Variants in TTLL5 observed in about 807,000 individuals in gnomAD.
TTLL5 encodes tubulin tyrosine ligase like 5, also known as tubulin polyglutamylase TTLL5.
In TTLL5, 132 loss-of-function variants were observed where a neutral mutation model predicts 168.4. The observed-to-expected ratio is 0.78, with a 90% CI of 0.68 to 0.91. The LOEUF (loss-of-function observed/expected upper bound fraction) is 0.91. Among genes scored for constraint, TTLL5 ranks in the 40% least tolerant of loss-of-function variants. The probability of loss-of-function intolerance (pLI) is 0.00; values close to 1 mark genes in which losing one functional copy is unlikely to be tolerated. For synonymous variants in TTLL5, 546 were observed against 558.6 expected (o/e 0.98, Z 0.32); for missense variants, 1,545 against 1,581.5 (o/e 0.98, Z 0.39).
At position 75,854,051 on chromosome 14, in the gene TTLL5, AAG is replaced by A. The variant is rs547371126; in HGVS notation, c.3327-9608_3327-9607del. 2.0e-4 allele frequency among the ~76,000 whole-genome samples: 30 copies of A among 152,264 alleles called. No homozygotes were observed. In the South Asian group the frequency reaches 5.6e-3, roughly 28 times the overall value. ...GAGCAAGACTCCGTCTCAAAAAAAA[AAG>A]AGAGAGAAAATATATATATATTTTA... On this transcript the variant is annotated intron_variant, in intron 28 of 31. Transcript: ENST00000298832.
At chr14:75,878,401 A>G (rs2031617133) in intron 29 of TTLL5, among the ~76,000 whole-genome samples, 1 of 152,182 alleles carries the variant, frequency 6.6e-6, no homozygotes, top group African/African-American at 2.4e-5. Flanking sequence ...CCCTATGCCT[A>G]TCCACCTCTT....
At chr14:75,757,567 A>G (rs892734495) in intron 18 of TTLL5, among the ~76,000 whole-genome samples, 18 of 152,354 alleles carry the variant, frequency 1.2e-4, no homozygotes, top group Middle Eastern at 6.8e-3. Flanking sequence ...TAAATAGATA[A>G]GCAAGTACAA....
intron 17 of TTLL5, among the ~76,000 whole-genome samples, chr14:75,746,557 CTTTTT>C (rs71119389): frequency 8.7e-6 from 1 of 114,722 alleles, no homozygotes; most frequent in Non-Finnish European, 1.9e-5. Flanking sequence ...CTTTTCTTTT[CTTTTT>C]TTTTTTTTTT....
intron 29 of TTLL5, among the ~76,000 whole-genome samples, chr14:75,865,132 C>G (rs1457538033): frequency 6.6e-6 from 1 of 152,144 alleles, no homozygotes; most frequent in African/African-American, 2.4e-5. Context: ...TATAGCATCT[C>G]ATTGTAATCA....
intron 30 of TTLL5, among the ~76,000 whole-genome samples, chr14:75,901,426 C>G (rs907523877): frequency 1.3e-5 from 2 of 152,198 alleles, no homozygotes. Flanking sequence ...GGCTAGGGAA[C>G]CTCTGCCCAA....
chr14:75,803,388 A>G (rs1893443848), intron 27 of TTLL5: 1 of 152,232 alleles, frequency 6.6e-6, no homozygotes, highest in Non-Finnish European at 1.5e-5. Flanking sequence ...TGTAGTTACT[A>G]CTACTCCTGC....
chr14:75,860,672 T>G (rs926113656), intron 28 of TTLL5, among the ~76,000 whole-genome samples: 1 of 152,146 alleles, frequency 6.6e-6, no homozygotes, highest in African/African-American at 2.4e-5. Flanking sequence ...TTTCTTTCCT[T>G]TGTATTCATT....
At chr14:75,905,339 G>A (rs971982175) in intron 31 of TTLL5, among the ~76,000 whole-genome samples, 5 of 152,128 alleles carry the variant, frequency 3.3e-5, no homozygotes, top group African/African-American at 9.7e-5. Flanking sequence ...CCAGGCTTTC[G>A]GCTGTGTGAC....
intron 29 of TTLL5, among the ~76,000 whole-genome samples, chr14:75,873,771 A>G (rs999887374): frequency 2.0e-5 from 3 of 152,180 alleles, no homozygotes; most frequent in Admixed American, 6.5e-5. Flanking sequence ...TAATACATCA[A>G]TGAACACGGA....
Position 75,771,844 on chromosome 14 carries a change from A to G in TTLL5, c.2126A>G (p.Asp709Gly). The G allele has an allele frequency of 6.2e-7, 1 of 1,613,314 alleles. No individual in the cohort carries two copies. Among genetic ancestry groups the G allele is most frequent in the Non-Finnish European group, 8.5e-7 (1 of 1,179,690 alleles). ...TFSASWAAKE[D>G]EQMELVVRFL... is the part of the protein sequence containing the mutation. ...AGTGCCAGTTGGGCTGCCAAAGAGG[A>G]TGAACAGATGGTAAGGCTTTTCTTA... Residue 709 changes from aspartate to glycine, a missense_variant, in exon 21 of 32, where the codon GAT becomes GGT. Physicochemically the swap from Asp to Gly is moderately conservative, Grantham distance 94. Coordinates refer to ENST00000298832, the MANE Select transcript of TTLL5 (RefSeq NM_015072.5).
intron 15 of TTLL5, among the ~76,000 whole-genome samples, chr14:75,739,417 T>G (rs897728978): frequency 6.6e-6 from 1 of 152,132 alleles, no homozygotes; most frequent in African/African-American, 2.4e-5. Flanking sequence ...AAAAAAAAAT[T>G]TCTTTGTTCT....
intron 31 of TTLL5, among the ~76,000 whole-genome samples, chr14:75,953,334 T>G (rs1053852030): frequency 1.3e-5 from 2 of 152,180 alleles, no homozygotes; most frequent in Non-Finnish European, 2.9e-5. Context: ...GAAAATAAGA[T>G]GGCATTAGAG....
At chr14:75,731,543 T>G (rs1888547035) in intron 12 of TTLL5, among the ~76,000 whole-genome samples, 1 of 152,106 alleles carries the variant, frequency 6.6e-6, no homozygotes, top group Non-Finnish European at 1.5e-5. Flanking sequence ...GAAGAACACT[T>G]GCTTCTGGGT....
At chr14:75,771,308 G>A (rs1891297071) in intron 20 of TTLL5, among the ~76,000 whole-genome samples, 1 of 152,160 alleles carries the variant, frequency 6.6e-6, no homozygotes, top group Non-Finnish European at 1.5e-5. Flanking sequence ...GCACCTGTAA[G>A]TCCAGCTAGT....
In TTLL5 at chr14:75,740,244, A is replaced by G. The variant is rs1472605414; in HGVS notation, c.1282-4851A>G. ...GTCCTAAAAATGAAACTTTTAAAGC[A>G]TGTTTTAAAATAAAGCATTCTTCAT... On this transcript the variant is annotated intron_variant, in intron 15 of 31. Coordinates refer to ENST00000298832, the MANE Select transcript of TTLL5 (RefSeq NM_015072.5). Among the ~76,000 whole-genome samples the G allele has an allele frequency of 6.4e-4, 97 of 152,218 alleles. 2 individuals are homozygous for G. Among genetic ancestry groups the G allele is most frequent in the Non-Finnish European group, 1.8e-4 (12 of 68,030 alleles).
At chr14:75,836,504 A>G (rs1895876381) in intron 28 of TTLL5, among the ~76,000 whole-genome samples, 1 of 152,194 alleles carries the variant, frequency 6.6e-6, no homozygotes, top group Admixed American at 6.5e-5. Context: ...AGGTGACTGT[A>G]GTCAAAAATA....
At chr14:75,946,099 C>G (rs1697539188) in intron 31 of TTLL5, among the ~76,000 whole-genome samples, 1 of 152,078 alleles carries the variant, frequency 6.6e-6, no homozygotes, top group Non-Finnish European at 1.5e-5. Flanking sequence ...GTATTTCAGA[C>G]AGAGGAAGGT....
At position 75,939,326 on chromosome 14, in the gene TTLL5, A is replaced by G. The variant is rs577616922; in HGVS notation, c.3824-15098A>G. Among the ~76,000 whole-genome samples, 311 of 152,362 alleles carry G rather than the reference A, an allele frequency of 2.0e-3. 2 individuals carry two copies. The highest frequency in any genetic ancestry group is 3.6e-3 in the Non-Finnish European group (243 of 68,024). On this transcript the variant is annotated intron_variant, in intron 31 of 31. Coordinates refer to ENST00000298832, the MANE Select transcript of TTLL5 (RefSeq NM_015072.5). Reference sequence around the variant, plus strand: ...ATGTGAGATGTACTTTTTACTATGCATTGCAATCAGAAAAAAAGTTTGAAA... The same window carrying G: ...ATGTGAGATGTACTTTTTACTATGCGTTGCAATCAGAAAAAAAGTTTGAAA...
chr14:75,864,636 A>T (rs1156716824), intron 29 of TTLL5, among the ~76,000 whole-genome samples: 1 of 152,174 alleles, frequency 6.6e-6, no homozygotes, highest in Non-Finnish European at 1.5e-5. Flanking sequence ...TCAGGAGTTA[A>T]ATTTTTCTTG....
Sources: allele counts gnomAD v4.1 joint callset (sites outside exome capture counted in the v4.1 genomes callset), GRCh38; gene constraint gnomAD v4.1.1; transcripts MANE v1.5; gene names NCBI Gene and HGNC (gene_info 2026-07-23, HGNC 2026-07-21).